The following MDN1 variants were observed in gnomAD, a reference collection of about 807,000 sequenced individuals.
MDN1 encodes midasin AAA ATPase 1, also known as midasin.
MDN1 carries 266 observed loss-of-function variants against 669.2 expected under a neutral mutation model. That is an observed-to-expected ratio of 0.40 (90% CI 0.36 to 0.44). The LOEUF is 0.44. Ranked by LOEUF, MDN1 falls within the 20% of genes least tolerant of loss-of-function variation. The probability of loss-of-function intolerance (pLI) is 1.00; values close to 1 mark genes in which losing one functional copy is unlikely to be tolerated. For missense variants in MDN1, 5,940 were observed against 6,754.0 expected, an observed-to-expected ratio of 0.88 and a Z score of 4.22; for synonymous variants, 2,385 against 2,457.1, an observed-to-expected ratio of 0.97 and a Z score of 0.87.
intron 12 of MDN1, among the ~76,000 whole-genome samples, chr6:89,775,613 T>A (rs1818313178): frequency 6.6e-6 from 1 of 152,134 alleles, no homozygotes; most frequent in African/African-American, 2.4e-5. Flanking sequence ...ATTAACAATG[T>A]CAGCAATGAA....
intron 15 of MDN1, among the ~76,000 whole-genome samples, chr6:89,765,743 T>A (rs1479749210): frequency 6.6e-6 from 1 of 152,230 alleles, no homozygotes; most frequent in Admixed American, 6.5e-5. Context: ...TTTTCTTGAA[T>A]AAGTGACTTA....
At chr6:89,730,482 TA>T (rs994176450) in intron 35 of MDN1, among the ~76,000 whole-genome samples, 1 of 152,150 alleles carries the variant, frequency 6.6e-6, no homozygotes, top group Non-Finnish European at 1.5e-5. Context: ...AACCAACTAA[TA>T]AAAAAATAAG....
At chr6:89,799,400 T>C (rs1424333040) in intron 2 of MDN1, among the ~76,000 whole-genome samples, 1 of 152,212 alleles carries the variant, frequency 6.6e-6, no homozygotes, top group African/African-American at 2.4e-5. Flanking sequence ...AATAGTAAAG[T>C]TGGGCCGGGC....
chr6:89,796,794 C>A (rs1275328264), intron 2 of MDN1, among the ~76,000 whole-genome samples: 1 of 151,516 alleles, frequency 6.6e-6, no homozygotes, highest in Non-Finnish European at 1.5e-5. Flanking sequence ...CTGGGCTGGG[C>A]GCAGTGGCTC....
chr6:89,784,932 G>A, intron 9 of MDN1, 80 bp downstream of exon 9: 2 of 891,902 alleles, frequency 2.2e-6, no homozygotes, highest in East Asian at 2.5e-5. Context: ...GAGGGTTCTG[G>A]TGGTTTATTA....
At chr6:89,716,843 G>A (rs777632268) in intron 43 of MDN1, 34 bp from the exon 44 acceptor site, 66 of 1,530,188 alleles carry the variant, frequency 4.3e-5, no homozygotes, top group Non-Finnish European at 5.3e-5. Context: ...ACCATCCACA[G>A]CACTTAACTT....
In MDN1 at chr6:89,676,226, T is replaced by C. The variant is rs1584156796; in HGVS notation, c.12540-19A>G. 6.2e-7 allele frequency: 1 copy of C among 1,609,894 alleles called. No individual in the cohort carries two copies. Among genetic ancestry groups the C allele is most frequent in the Non-Finnish European group, 8.5e-7 (1 of 1,176,142 alleles). On this transcript the variant is annotated intron_variant, in intron 76 of 101. Coordinates refer to ENST00000369393, the MANE Select transcript of MDN1 (RefSeq NM_014611.3). ...AAGCAGCCTGGAAAAGATATCAACA[T>C]TGTTTACTTAATTAAAACCACGCTC...
In MDN1 at chr6:89,655,548, T is replaced by C. The variant is rs550428326; in HGVS notation, c.15490+216A>G. 4.6e-5 allele frequency among the ~76,000 whole-genome samples: 7 copies of C among 152,342 alleles called. No homozygotes were observed. In the East Asian group the frequency reaches 1.3e-3, roughly 29 times the overall value. Reference sequence around the variant, plus strand: ...AAAACAAACTGTATTTCTGCACATTTCTTATGTTTACAAAGCCATTTCCTC... The same window carrying C: ...AAAACAAACTGTATTTCTGCACATTCCTTATGTTTACAAAGCCATTTCCTC... On this transcript the variant is annotated intron_variant, in intron 92 of 101. Transcript: ENST00000369393.
rs375291653 is a variant in MDN1, at chr6:89,661,523, G to A, written c.14621C>T (p.Pro4874Leu). The A allele has an allele frequency of 1.2e-6, 2 of 1,613,956 alleles. No homozygotes were observed. The highest frequency in any genetic ancestry group is 2.7e-5 in the African/African-American group (2 of 74,910). Reference protein sequence around the residue: ...DPYHGNQEKVPEPEALDLPDD... With the variant: ...DPYHGNQEKVLEPEALDLPDD... ...TGGAAGGTCCAAAGCCTCGGGTTCT[G>A]GCACCTTTTCCTGATTGCCATGGTA... Residue 4874 changes from proline (P) to leucine (L), a missense_variant, in exon 88 of 102, where the codon CCA becomes CTA. Physicochemically the swap from Pro to Leu is moderately conservative, Grantham distance 98. Coordinates refer to ENST00000369393, the MANE Select transcript of MDN1 (RefSeq NM_014611.3).
At chr6:89,815,156 C>T (rs1167855181) in intron 1 of MDN1, 1 of 377,138 alleles carries the variant, frequency 2.7e-6, no homozygotes, top group Admixed American at 3.7e-5. Flanking sequence ...TGCATCACCA[C>T]CTCTCTACCT....
chr6:89,812,922 G>A (rs1768534049), intron 1 of MDN1, among the ~76,000 whole-genome samples: 1 of 152,048 alleles, frequency 6.6e-6, no homozygotes. Context: ...AACAAAGTGA[G>A]ACTCCCCATC....
At chr6:89,709,815 TA>T (rs1259635597) in intron 50 of MDN1, among the ~76,000 whole-genome samples, 2 of 152,066 alleles carry the variant, frequency 1.3e-5, no homozygotes, top group Non-Finnish European at 2.9e-5. Flanking sequence ...ACTCCTTATT[TA>T]AAAAAAATTA....
intron 88 of MDN1, among the ~76,000 whole-genome samples, chr6:89,659,309 G>A (rs149538852): frequency 2.6e-5 from 4 of 152,314 alleles, no homozygotes; most frequent in Non-Finnish European, 4.4e-5. Context: ...GGAGGTCAAG[G>A]CTACAGTGAA....
At chr6:89,650,907 G>T in intron 95 of MDN1, 60 bp from the exon 96 acceptor site, 1 of 1,395,180 alleles carries the variant, frequency 7.2e-7, no homozygotes. Context: ...AAGTCTTCTA[G>T]CAAGATGCAG....
intron 92 of MDN1, among the ~76,000 whole-genome samples, chr6:89,655,233 C>T (rs1392523724): frequency 6.6e-6 from 1 of 152,004 alleles, no homozygotes; most frequent in Non-Finnish European, 1.5e-5. Context: ...ACTGAAGTCA[C>T]CAAGAGAACC....
At chr6:89,793,167 C>T (rs1168454489) in intron 5 of MDN1, among the ~76,000 whole-genome samples, 2 of 152,218 alleles carry the variant, frequency 1.3e-5, no homozygotes, top group Admixed American at 6.5e-5. Context: ...AGATACTGGA[C>T]TCTCTACAAT....
intron 38 of MDN1, among the ~76,000 whole-genome samples, chr6:89,724,156 A>C (rs1815039183): frequency 1.3e-5 from 2 of 152,326 alleles, no homozygotes; most frequent in African/African-American, 4.8e-5. Context: ...AAAAGAAAAA[A>C]AAAAGATACA....
At position 89,719,190 on chromosome 6, in the gene MDN1, A is replaced by G; in HGVS notation, c.6003T>C (p.Asn2001=). The change falls in exon 41 of 102, where the codon AAT becomes AAC. Residue 2001 remains asparagine, a synonymous_variant. Transcript: ENST00000369393. ...IAVFKDVFGS[N]SNPYMGTRLF... is the part of the protein sequence containing the mutation. ...GTCTGGTTCCCATGTATGGGTTGGAATTTGAACCAAACACATCCTTGAATA... is the reference window on the plus strand; with the variant it reads ...GTCTGGTTCCCATGTATGGGTTGGAGTTTGAACCAAACACATCCTTGAATA... 1 of 1,613,938 alleles carries G rather than the reference A, an allele frequency of 6.2e-7. No individual in the cohort carries two copies. Among genetic ancestry groups the G allele is most frequent in the Non-Finnish European group, 8.5e-7 (1 of 1,179,802 alleles).
chr6:89,733,901 AG>A (rs35993988), intron 33 of MDN1, among the ~76,000 whole-genome samples: 6,488 of 152,300 alleles, frequency 0.043, 218 homozygotes, highest in Admixed American at 0.096. Context: ...AAATATATAA[AG>A]GTAACAGAAT....
Sources: allele counts gnomAD v4.1 joint callset (sites outside exome capture counted in the v4.1 genomes callset), GRCh38; gene constraint gnomAD v4.1.1; transcripts MANE v1.5; gene names NCBI Gene and HGNC (gene_info 2026-07-23, HGNC 2026-07-21).